Variants in COLEC10 observed in about 807,000 individuals in gnomAD.
COLEC10 encodes collectin-10.
In COLEC10, 22 loss-of-function variants were observed where a neutral mutation model predicts 28.4. That is an observed-to-expected ratio of 0.78 (90% CI 0.55 to 1.11). The LOEUF (loss-of-function observed/expected upper bound fraction) is 1.11. COLEC10 is among the 50% of genes least tolerant of loss of function. The probability of loss-of-function intolerance (pLI) is 0.00; values close to 1 mark genes in which losing one functional copy is unlikely to be tolerated. For synonymous variants in COLEC10, 125 were observed against 116.1 expected, an observed-to-expected ratio of 1.08 and a Z score of -0.49; for missense variants, 361 against 344.1, an observed-to-expected ratio of 1.05 and a Z score of -0.39.
intron 1 of COLEC10, among the ~76,000 whole-genome samples, chr8:119,069,474 G>T (rs1429392061): frequency 1.3e-5 from 2 of 149,686 alleles, no homozygotes; most frequent in Admixed American, 6.7e-5. Flanking sequence ...AGGTGTGGTG[G>T]TGCACACCTG....
intron 2 of COLEC10, among the ~76,000 whole-genome samples, chr8:119,014,894 A>G (rs1263359597): frequency 6.6e-6 from 1 of 151,032 alleles, no homozygotes; most frequent in African/African-American, 2.5e-5. Flanking sequence ...ATGTTACAAC[A>G]TTTCATGTTA....
At chr8:119,046,577 T>C (rs545744811) in intron 2 of COLEC10, among the ~76,000 whole-genome samples, 2 of 152,334 alleles carry the variant, frequency 1.3e-5, no homozygotes, top group African/African-American at 4.8e-5. Flanking sequence ...CCATATTTTA[T>C]GGTAGCTAAC....
rs192268447 is a variant in COLEC10, at chr8:119,042,327, T to G, written n.235+32774T>G. On this transcript the variant is annotated intron_variant and non_coding_transcript_variant, in intron 2 of 6. Transcript: ENST00000521788. ...CAATTGTTAAATGTGTCTCTGGCAT[T>G]TGTGATTAATGCAGCAGTTGTACTT... Among the ~76,000 whole-genome samples, 258 of 152,278 alleles carry G rather than the reference T, an allele frequency of 1.7e-3. 1 individual carries two copies. The highest frequency in any genetic ancestry group is 6.0e-3 in the African/African-American group (251 of 41,570).
intron 2 of COLEC10, 87 bp downstream of exon 2, chr8:119,089,838 T>C: frequency 9.6e-7 from 1 of 1,042,800 alleles, no homozygotes; most frequent in South Asian, 1.4e-5. Context: ...TTAGCAGCTT[T>C]CATAATGCCC....
chr8:119,055,224 C>T (rs931854909), intron 2 of COLEC10, among the ~76,000 whole-genome samples: 3 of 151,994 alleles, frequency 2.0e-5, no homozygotes, highest in Admixed American at 6.6e-5. Flanking sequence ...AGGTCAACCA[C>T]TCACTGTTCA....
chr8:119,053,109 C>T (rs997572563), intron 2 of COLEC10, among the ~76,000 whole-genome samples: 5 of 152,058 alleles, frequency 3.3e-5, no homozygotes, highest in African/African-American at 1.2e-4. Context: ...ATGTGCTCTA[C>T]AATAATAACT....
chr8:119,090,293 A>G (rs1815563461), intron 2 of COLEC10, among the ~76,000 whole-genome samples: 1 of 152,200 alleles, frequency 6.6e-6, no homozygotes, highest in South Asian at 2.1e-4. Context: ...AGTAACACAG[A>G]TATGATTAGG....
intron 1 of COLEC10, among the ~76,000 whole-genome samples, chr8:119,086,101 GAATTC>G (rs1223741483): frequency 6.6e-6 from 1 of 152,084 alleles, no homozygotes; most frequent in Non-Finnish European, 1.5e-5. Context: ...ATTCCAACTA[GAATTC>G]AATTTTAAAA....
At chr8:118,995,646 A>G (rs1813575931) in intron 1 of COLEC10, 1 of 152,162 alleles carries the variant, frequency 6.6e-6, no homozygotes, top group African/African-American at 2.4e-5. Context: ...GAGTCTTAGC[A>G]GGAGGTTTCA....
chr8:119,034,161 A>T (rs1196204796), intron 2 of COLEC10, among the ~76,000 whole-genome samples: 1 of 152,106 alleles, frequency 6.6e-6, no homozygotes, highest in Non-Finnish European at 1.5e-5. Flanking sequence ...CAAACACCAC[A>T]TGTTCTCACT....
chr8:119,058,561 T>C (rs1814801619), intron 2 of COLEC10, among the ~76,000 whole-genome samples: 1 of 152,050 alleles, frequency 6.6e-6, no homozygotes, highest in Non-Finnish European at 1.5e-5. Context: ...TTTACCATAA[T>C]TTGGAGATGC....
intron 3 of COLEC10, 139 bp downstream of exon 3, chr8:119,091,359 A>G (rs948325759): frequency 8.4e-6 from 5 of 594,128 alleles, no homozygotes; most frequent in Non-Finnish European, 1.5e-5. Context: ...ACCAGCCTGC[A>G]CAACACAGCA....
chr8:119,086,164 C>A (rs974106089), intron 1 of COLEC10, among the ~76,000 whole-genome samples: 1 of 152,022 alleles, frequency 6.6e-6, no homozygotes, highest in South Asian at 2.1e-4. Context: ...TAAGAAAATG[C>A]GGTCAAATGT....
intron 1 of COLEC10, among the ~76,000 whole-genome samples, chr8:119,003,334 C>T (rs1813734579): frequency 6.6e-6 from 1 of 151,950 alleles, no homozygotes; most frequent in Non-Finnish European, 1.5e-5. Flanking sequence ...TACTTTATGC[C>T]AAGTTCTAGT....
At chr8:119,067,703 T>TCTGCTC (rs1815000961) in intron 1 of COLEC10, 1 of 334,526 alleles carries the variant, frequency 3.0e-6, no homozygotes, top group South Asian at 4.8e-5. Flanking sequence ...CCTGTTCCAT[T>TCTGCTC]CTGCTCCGGG....
At chr8:119,068,350 T>C (rs763235632) in intron 1 of COLEC10, 1 of 152,232 alleles carries the variant, frequency 6.6e-6, no homozygotes. Context: ...TCCTCTAAGA[T>C]TGCAATCCAA....
intron 1 of COLEC10, among the ~76,000 whole-genome samples, chr8:119,082,707 A>G (rs1281583150): frequency 1.3e-5 from 2 of 152,202 alleles, no homozygotes; most frequent in Non-Finnish European, 2.9e-5. Flanking sequence ...AAATCCACAT[A>G]ATATTTCATT....
chr8:119,074,835 G>A (rs1315928552), intron 1 of COLEC10, among the ~76,000 whole-genome samples: 1 of 152,176 alleles, frequency 6.6e-6, no homozygotes, highest in African/African-American at 2.4e-5. Flanking sequence ...TGGTAAATAC[G>A]CCTAGGGTTG....
chr8:119,011,933 A>T (rs1813906136), intron 2 of COLEC10, among the ~76,000 whole-genome samples: 1 of 150,666 alleles, frequency 6.6e-6, no homozygotes, highest in African/African-American at 2.5e-5. Context: ...TCTTCTCTAC[A>T]GTATGTCTTT....
Sources: allele counts gnomAD v4.1 joint callset (sites outside exome capture counted in the v4.1 genomes callset), GRCh38; gene constraint gnomAD v4.1.1; transcripts MANE v1.5; gene names NCBI Gene and HGNC (gene_info 2026-07-23, HGNC 2026-07-21).